Variants in PPP3CB observed in about 807,000 individuals in gnomAD.
PPP3CB encodes the protein protein phosphatase 3 catalytic subunit beta.
A neutral mutation model predicts 66.4 loss-of-function variants in PPP3CB; 8 were observed. That is an observed-to-expected ratio of 0.12 (90% confidence interval 0.07 to 0.22). The LOEUF is 0.22. Among genes scored for constraint, PPP3CB ranks in the 10% least tolerant of loss-of-function variants. PPP3CB has a pLI of 1.00. For synonymous variants in PPP3CB, 208 were observed against 221.2 expected (o/e 0.94, Z 0.53); for missense variants, 319 against 642.5 (o/e 0.50, Z 5.44).
At chr10:73,461,290 T>G (rs766679248) in intron 9 of PPP3CB, among the ~76,000 whole-genome samples, 4 of 152,048 alleles carry the variant, frequency 2.6e-5, no homozygotes, top group Non-Finnish European at 5.9e-5. Flanking sequence ...CTACTAAAAA[T>G]ACAAAAATTA....
At chr10:73,474,678 A>G (rs937251027) in intron 4 of PPP3CB, among the ~76,000 whole-genome samples, 3 of 149,374 alleles carry the variant, frequency 2.0e-5, no homozygotes, top group Non-Finnish European at 4.5e-5. Flanking sequence ...GAGCTCAGGC[A>G]ATCCCCCTGC....
At chr10:73,452,142 C>T (rs1014433849) in intron 10 of PPP3CB, among the ~76,000 whole-genome samples, 1 of 152,034 alleles carries the variant, frequency 6.6e-6, no homozygotes, top group East Asian at 1.9e-4. Flanking sequence ...CTAAATATTT[C>T]ACAGATTTTG....
rs2056083991 is a variant in PPP3CB, at chr10:73,437,224, T to A, written c.*1018A>T. The stretch of plus-strand genomic sequence containing the variant: ...TTAATCAAAAACACTTCCAGAACAT[T>A]TTAAAATTTCCTTTGCATTAAAACA... On this transcript the variant is annotated 3_prime_UTR_variant, in exon 14 of 14. Transcript: ENST00000360663. 6.6e-6 allele frequency: 1 copy of A among 152,616 alleles called. No individual in the cohort carries two copies. Among genetic ancestry groups the A allele is most frequent in the Non-Finnish European group, 1.5e-5 (1 of 68,026 alleles). 9.5% of individuals were successfully genotyped at this position (152,616 alleles called of 1,614,324 possible).
chr10:73,492,442 T>A (rs183373854), intron 1 of PPP3CB, among the ~76,000 whole-genome samples: 235 of 152,310 alleles, frequency 1.5e-3, no homozygotes, highest in Non-Finnish European at 2.8e-3. Context: ...TCAGGTCAAG[T>A]AAACTTTGTG....
Position 73,471,549 on chromosome 10 carries a change from A to C in PPP3CB, c.588T>G (p.Leu196=). The C allele has an allele frequency of 6.2e-7, 1 of 1,612,870 alleles. No individual in the cohort carries two copies. ...GAAACTGTTGGTTTAAAAGTGCAGC[A>C]AGAGGCAAACTATCAAAAGCTTCCA... ...ACMEAFDSLP[L]AALLNQQFLC... is the part of the protein sequence containing the mutation. Residue 196 remains leucine, a synonymous_variant, in exon 5 of 14, where the codon CTT becomes CTG. Transcript: ENST00000360663.
chr10:73,442,611 T>C (rs2056166572), intron 12 of PPP3CB, among the ~76,000 whole-genome samples: 2 of 152,286 alleles, frequency 1.3e-5, no homozygotes, highest in African/African-American at 4.8e-5. Context: ...AAGATCTTGT[T>C]TTAATGTACA....
intron 1 of PPP3CB, among the ~76,000 whole-genome samples, chr10:73,483,633 G>C (rs553874339): frequency 6.6e-6 from 1 of 151,964 alleles, no homozygotes; most frequent in African/African-American, 2.4e-5. Context: ...TTCCAGCCTG[G>C]GAGACAGAGC....
chr10:73,444,625 A>C (rs1179170173), intron 12 of PPP3CB, 100 bp downstream of exon 12: 14 of 1,566,576 alleles, frequency 8.9e-6, no homozygotes, highest in Non-Finnish European at 1.2e-5. Flanking sequence ...GGAACTAAAA[A>C]ACAGAAGGAA....
At position 73,467,860 on chromosome 10, in the gene PPP3CB, T is replaced by G. The variant is rs567867150; in HGVS notation, c.983-182A>C. ...TTTAATAATAACATAGGTTTTGTTT[T>G]TAACACTGTTATGTAGAACTATAAC... On this transcript the variant is annotated intron_variant, in intron 8 of 13. Transcript: ENST00000360663. Among the ~76,000 whole-genome samples, 23 of 152,292 alleles carry G rather than the reference T, an allele frequency of 1.5e-4. No homozygotes were observed. In the South Asian group the frequency reaches 4.8e-3, roughly 32 times the overall value.
rs768942097 is a variant in PPP3CB, at chr10:73,479,526, G to A, written c.86-9C>T. On this transcript the variant is annotated splice_polypyrimidine_tract_variant and intron_variant, in intron 1 of 13. Transcript: ENST00000360663. The stretch of plus-strand genomic sequence containing the variant: ...TGGGGGGAAAGGGACAGCTGCAAAT[G>A]TTTTTAATTAATAAAAGATAAGTCA... The A allele has an allele frequency of 2.2e-5, 35 of 1,607,296 alleles. No homozygotes were observed. Among genetic ancestry groups the A allele is most frequent in the Non-Finnish European group, 3.0e-5 (35 of 1,176,354 alleles).
intron 10 of PPP3CB, among the ~76,000 whole-genome samples, chr10:73,449,074 G>A (rs1230653897): frequency 6.6e-6 from 1 of 152,212 alleles, no homozygotes; most frequent in Non-Finnish European, 1.5e-5. Flanking sequence ...AAGGAAATGT[G>A]TCACCTGTGG....
intron 10 of PPP3CB, among the ~76,000 whole-genome samples, chr10:73,448,507 T>A (rs2056294991): frequency 6.6e-6 from 1 of 152,138 alleles, no homozygotes; most frequent in Admixed American, 6.5e-5. Context: ...CTTCTAAAAA[T>A]ACCAAACACT....
intron 12 of PPP3CB, chr10:73,444,149 T>A (rs1318874364): frequency 6.4e-6 from 1 of 157,128 alleles, no homozygotes; most frequent in African/African-American, 2.4e-5. Context: ...CATAGAACAT[T>A]TGACAAACAC....
chr10:73,440,012 C>T, intron 12 of PPP3CB, 111 bp from the exon 13 acceptor site: 1 of 1,109,332 alleles, frequency 9.0e-7, no homozygotes, highest in East Asian at 2.4e-5. Flanking sequence ...TCCCATACTA[C>T]ATCATCATTT....
At chr10:73,475,287 ATTAC>A (rs2056769003) in intron 3 of PPP3CB, among the ~76,000 whole-genome samples, 1 of 152,188 alleles carries the variant, frequency 6.6e-6, no homozygotes, top group Non-Finnish European at 1.5e-5. Context: ...AATCTATTTA[ATTAC>A]TTTGGATTTA....
In PPP3CB at chr10:73,495,833, G is replaced by A; in HGVS notation, c.57C>T (p.Pro19=). 1 of 1,500,702 alleles carries A rather than the reference G, an allele frequency of 6.7e-7. No individual in the cohort carries two copies. Among genetic ancestry groups the A allele is most frequent in the South Asian group, 1.2e-5 (1 of 81,188 alleles). The allele number at this position is 1,500,702 out of a possible 1,614,324, so 93.0% of individuals were successfully genotyped here. ...TGACGACGCGGTCAGCCCCGGGAGG[G>A]GGCGGCGGGGGCGGGGGTGGGGGCG... ...AAPPPPPPPP[P]PPGADRVVKA... The change falls in exon 1 of 14, where the codon CCC becomes CCT. Residue 19 remains proline (P), a synonymous_variant. Coordinates refer to ENST00000360663, the MANE Select transcript of PPP3CB (RefSeq NM_021132.4).
At chr10:73,453,609 T>C (rs2056379295) in intron 10 of PPP3CB, among the ~76,000 whole-genome samples, 1 of 152,146 alleles carries the variant, frequency 6.6e-6, no homozygotes, top group African/African-American at 2.4e-5. Context: ...AGCTATTAAA[T>C]CTTACCAATA....
intron 11 of PPP3CB, among the ~76,000 whole-genome samples, chr10:73,445,159 A>T (rs80125594): frequency 0.047 from 7,098 of 152,286 alleles, 507 homozygotes; most frequent in African/African-American, 0.15. Context: ...ACAAATTTTT[A>T]AAGACTGACC....
At chr10:73,452,493 C>G (rs190973657) in intron 10 of PPP3CB, among the ~76,000 whole-genome samples, 1 of 151,942 alleles carries the variant, frequency 6.6e-6, no homozygotes, top group Non-Finnish European at 1.5e-5. Flanking sequence ...GTCAGGAGTT[C>G]GAGACAAGTT....
Sources: allele counts gnomAD v4.1 joint callset (sites outside exome capture counted in the v4.1 genomes callset), GRCh38; gene constraint gnomAD v4.1.1; transcripts MANE v1.5; gene names NCBI Gene and HGNC (gene_info 2026-07-23, HGNC 2026-07-21).